Variants in TBC1D21 observed in about 807,000 individuals in gnomAD.
TBC1D21 encodes the protein male germ cell Rab GTPase-activating protein.
Under a neutral mutation model 46.0 loss-of-function variants are expected in TBC1D21, and 38 were observed. The ratio of observed to expected loss-of-function variants is 0.83; its 90% CI spans 0.64 to 1.08. The LOEUF is 1.08. Among genes scored for constraint, TBC1D21 ranks in the 50% least tolerant of loss-of-function variants. The pLI, the probability that TBC1D21 is intolerant of heterozygous loss-of-function variation, is 0.00. For missense variants in TBC1D21, 415 were observed against 417.9 expected (o/e 0.99, Z 0.06); for synonymous variants, 151 against 157.2 (o/e 0.96, Z 0.29).
chr15:73,898,187 C>CTT, the TBC1D21 span, among the ~76,000 whole-genome samples: 1 of 152,254 alleles, frequency 6.6e-6, no homozygotes, highest in Non-Finnish European at 1.5e-5. Flanking sequence ...GGAGCTGCTG[C>CTT]TTCACCAGCA....
chr15:73,874,690 G>C (rs909299202), intron 1 of TBC1D21, among the ~76,000 whole-genome samples: 1 of 148,678 alleles, frequency 6.7e-6, no homozygotes, highest in Non-Finnish European at 1.5e-5. Context: ...CTGGGAACTT[G>C]TAAGAATGCA....
Position 73,884,233 on chromosome 15 carries a change from C to T in TBC1D21, c.355C>T (p.Arg119Cys). 4 of 1,614,194 alleles carry T rather than the reference C, an allele frequency of 2.5e-6. No homozygotes were observed. The highest frequency in any genetic ancestry group is 2.2e-5 in the East Asian group (1 of 44,886). ...CCTGCACCGGAACTTCACAGAGACT[C>T]GCAATAACATTGGTGAGCAAAGTGG... ...ENLHRNFTET[R>C]NNIARDIQKI... Residue 119 changes from arginine to cysteine, a missense_variant, in exon 4 of 11, where the codon CGC becomes TGC. By Grantham distance (180) the Arg-to-Cys change is radical (BLOSUM62 -3). Transcript: ENST00000300504.
the TBC1D21 span, among the ~76,000 whole-genome samples, chr15:73,903,359 G>A: frequency 6.6e-6 from 1 of 152,184 alleles, no homozygotes; most frequent in South Asian, 2.1e-4. Context: ...AAGGAAGGGC[G>A]GGGAGCTGGT....
At chr15:73,905,142 C>T in the TBC1D21 span, among the ~76,000 whole-genome samples, 10 of 152,320 alleles carry the variant, frequency 6.6e-5, no homozygotes, top group East Asian at 9.7e-4. Flanking sequence ...AGGCCTCCCA[C>T]GCCCTCTAGC....
At chr15:73,875,270 A>T (rs1202476850) in intron 1 of TBC1D21, among the ~76,000 whole-genome samples, 2 of 140,626 alleles carry the variant, frequency 1.4e-5, no homozygotes, top group Non-Finnish European at 3.1e-5. Context: ...AAGAAGAAGA[A>T]GAAGAAGAAA....
chr15:73,886,258 T>C (rs1383252871), intron 7 of TBC1D21, 84 bp downstream of exon 7: 42 of 1,229,520 alleles, frequency 3.4e-5, no homozygotes, highest in Admixed American at 1.8e-4. Flanking sequence ...TCCCTAATCA[T>C]GGGGGGGCTG....
the TBC1D21 span, among the ~76,000 whole-genome samples, chr15:73,902,001 A>T: frequency 3.4e-4 from 52 of 152,008 alleles, no homozygotes; most frequent in Non-Finnish European, 6.6e-4. Flanking sequence ...TTTTGTAGAG[A>T]TGGGGACTCA....
chr15:73,888,841 G>A (rs542729529), intron 10 of TBC1D21, among the ~76,000 whole-genome samples: 1 of 152,144 alleles, frequency 6.6e-6, no homozygotes. Context: ...CTCTACCACT[G>A]ACCCATGCAT....
At chr15:73,879,473 C>T (rs1030267852) in intron 1 of TBC1D21, among the ~76,000 whole-genome samples, 2 of 152,142 alleles carry the variant, frequency 1.3e-5, no homozygotes, top group African/African-American at 4.8e-5. Context: ...CAGCTTGGGC[C>T]TTCCAAAGTG....
chr15:73,886,192 C>T lies in TBC1D21; in HGVS notation c.676+18C>T. Reference sequence around the variant, plus strand: ...GCACCTAAGTGAGTGGTTCCCACCTCCTGCCACCTCACGCACCCCCCAGGC... The same window carrying T: ...GCACCTAAGTGAGTGGTTCCCACCTTCTGCCACCTCACGCACCCCCCAGGC... On this transcript the variant is annotated intron_variant, in intron 7 of 10. Coordinates refer to ENST00000300504, the MANE Select transcript of TBC1D21 (RefSeq NM_153356.3). 2 of 1,609,336 alleles carry T rather than the reference C, an allele frequency of 1.2e-6. No homozygotes were observed. Among genetic ancestry groups the T allele is most frequent in the Non-Finnish European group, 1.7e-6 (2 of 1,175,674 alleles).
intron 1 of TBC1D21, 142 bp from the exon 2 acceptor site, chr15:73,881,257 A>G (rs2068148386): frequency 1.6e-6 from 1 of 607,246 alleles, no homozygotes; most frequent in Admixed American, 3.3e-5. Context: ...TATTTTCAGT[A>G]ATGTCCTCAA....
chr15:73,907,603 A>G, the TBC1D21 span, among the ~76,000 whole-genome samples: 1,321 of 152,306 alleles, frequency 8.7e-3, 17 homozygotes, highest in African/African-American at 0.03. Context: ...CAAGCTGAAT[A>G]AGAACTTGCT....
Position 73,881,485 on chromosome 15 carries a change from T to C in TBC1D21, c.147T>C (p.Ile49=). Residue 49 remains isoleucine, a synonymous_variant, in exon 2 of 11, where the codon ATT becomes ATC. Coordinates refer to ENST00000300504, the MANE Select transcript of TBC1D21 (RefSeq NM_153356.3). ...SGHLAKSRDF[I]CVNILERGLH... is the part of the protein sequence containing the mutation. ...ACTTGGCCAAATCACGGGACTTCAT[T>C]TGTGTTAACATCCTGGAAAGGGTGG... The C allele has an allele frequency of 6.2e-7, 1 of 1,614,152 alleles. No homozygotes were observed.
Position 73,885,743 on chromosome 15 carries a change from T to A in TBC1D21, c.580-335T>A, listed in dbSNP as rs2068232932. On this transcript the variant is annotated intron_variant, in intron 6 of 10. Transcript: ENST00000300504. ...AGTTGGCTCTGCCCCAACACTATTG[T>A]GTGAGGGAAGAACTGGGCAACTGGG... Among the ~76,000 whole-genome samples the A allele has an allele frequency of 2.0e-5, 3 of 151,942 alleles. No individual in the cohort carries two copies. The South Asian group carries it at 6.2e-4, about 32-fold the overall frequency.
At position 73,886,261 on chromosome 15, in the gene TBC1D21, G is replaced by T. The variant is rs36015799; in HGVS notation, c.676+87G>T. The T allele has an allele frequency of 1.2e-4, 150 of 1,215,942 alleles. 1 individual carries two copies. The South Asian group carries it at 1.6e-3, about 13-fold the overall frequency. 75.3% of individuals were successfully genotyped at this position (1,215,942 alleles called of 1,614,324 possible). On this transcript the variant is annotated intron_variant, in intron 7 of 10. Coordinates refer to ENST00000300504, the MANE Select transcript of TBC1D21 (RefSeq NM_153356.3). ...CCCAACTGTCAGTCCCTAATCATGG[G>T]GGGGCTGGAGAGCAGCAGAATCATT...
At chr15:73,907,652 T>A in the TBC1D21 span, among the ~76,000 whole-genome samples, 1 of 152,228 alleles carries the variant, frequency 6.6e-6, no homozygotes, top group Non-Finnish European at 1.5e-5. Flanking sequence ...GCCTCTTCCA[T>A]CCATCCTCAC....
downstream of TBC1D21, among the ~76,000 whole-genome samples, chr15:73,893,669 C>A (rs573967976): frequency 2.0e-5 from 3 of 152,302 alleles, no homozygotes; most frequent in East Asian, 1.9e-4. Context: ...TGTGTTACCC[C>A]CCTCAGAGAG....
At chr15:73,904,480 T>C in the TBC1D21 span, among the ~76,000 whole-genome samples, 9 of 152,174 alleles carry the variant, frequency 5.9e-5, no homozygotes, top group African/African-American at 1.2e-4. Flanking sequence ...ACCACAGAAA[T>C]TGGCAATTGC....
rs368291998 is a variant in TBC1D21, at chr15:73,884,935, C to T, written c.478+44C>T. 47 of 1,609,772 alleles carry T rather than the reference C, an allele frequency of 2.9e-5. No homozygotes were observed. The African/African-American group carries it at 6.0e-4, about 21-fold the overall frequency. ...TTGTCAATGCCCTCCCAGGACCTGGCCCAACCTAAGCCAAGGGTCCAGGCT... is the reference window on the plus strand; with the variant it reads ...TTGTCAATGCCCTCCCAGGACCTGGTCCAACCTAAGCCAAGGGTCCAGGCT... On this transcript the variant is annotated intron_variant, in intron 5 of 10. Coordinates refer to ENST00000300504, the MANE Select transcript of TBC1D21 (RefSeq NM_153356.3).
Sources: allele counts gnomAD v4.1 joint callset (sites outside exome capture counted in the v4.1 genomes callset), GRCh38; gene constraint gnomAD v4.1.1; transcripts MANE v1.5; gene names NCBI Gene and HGNC (gene_info 2026-07-23, HGNC 2026-07-21).